MKNK2: variants seen among roughly 807,000 people sequenced by gnomAD.
MKNK2 encodes the protein MAP kinase-interacting serine/threonine-protein kinase 2.
MKNK2 carries 54 observed loss-of-function variants against 55.0 expected under a neutral mutation model. The observed-to-expected ratio is 0.98, with a 90% CI of 0.79 to 1.23. MKNK2 has a LOEUF of 1.23. Ranked by LOEUF, MKNK2 falls within the 50% of genes most tolerant of loss-of-function variation. The pLI is 0.00. For synonymous variants in MKNK2, 323 were observed against 256.0 expected, an observed-to-expected ratio of 1.26 and a Z score of -2.50; for missense variants, 685 against 632.1, an observed-to-expected ratio of 1.08 and a Z score of -0.90.
Position 2,039,462 on chromosome 19 carries a change from T to C in MKNK2, c.*151A>G. On this transcript the variant is annotated 3_prime_UTR_variant, in exon 14 of 14. Coordinates refer to ENST00000250896, the MANE Select transcript of MKNK2 (RefSeq NM_199054.3). ...AAAAAAAAACCCAAAAGCAAAAACC[T>C]TCTATAAAACACCCCCCTCAGCTGA... 1.4e-6 allele frequency: 2 copies of C among 1,396,162 alleles called. No homozygotes were observed. The highest frequency in any genetic ancestry group is 1.9e-6 in the Non-Finnish European group (2 of 1,075,748). The allele number at this position is 1,396,162 out of a possible 1,614,324, so 86.5% of individuals were successfully genotyped here.
chr19:2,042,952 T>C (rs1386189683), intron 7 of MKNK2, 82 bp from the exon 8 acceptor site: 1 of 1,443,610 alleles, frequency 6.9e-7, no homozygotes, highest in Non-Finnish European at 9.5e-7. Flanking sequence ...CCACCTCCAC[T>C]TTGGCGGGGA....
chr19:2,050,114 CTCCCCT>C (rs928096093), intron 2 of MKNK2, among the ~76,000 whole-genome samples: 1 of 152,196 alleles, frequency 6.6e-6, no homozygotes, highest in African/African-American at 2.4e-5. Flanking sequence ...AGCACCTGCC[CTCCCCT>C]TCCCCCCCAA....
intron 12 of MKNK2, chr19:2,040,669 A>C: frequency 3.2e-6 from 1 of 309,656 alleles, no homozygotes; most frequent in Non-Finnish European, 6.1e-6. Context: ...CCTCGACTGG[A>C]GGCCACACAG....
Position 2,041,866 on chromosome 19 carries a change from G to T in MKNK2, c.919C>A (p.Arg307Ser). The change falls in exon 11 of 14, where the codon CGC becomes AGC. Residue 307 changes from arginine (R) to serine (S), a missense_variant. Transcript: ENST00000250896. ...GRCGSDCGWD[R>S]GEACPACQNM... ...TGGCAGGCAGGGCAGGCCTCGCCGC[G>T]GTCCCAGCCGCAGTCGCTGCCACAG... 1 of 1,537,682 alleles carries T rather than the reference G, an allele frequency of 6.5e-7. No homozygotes were observed. The highest frequency in any genetic ancestry group is 8.8e-7 in the Non-Finnish European group (1 of 1,141,456).
Position 2,039,420 on chromosome 19 carries a change from G to A in MKNK2, c.*193C>T, listed in dbSNP as rs1240465465. 7.1e-7 allele frequency: 1 copy of A among 1,403,218 alleles called. No homozygotes were observed. Among genetic ancestry groups the A allele is most frequent in the Non-Finnish European group, 9.2e-7 (1 of 1,081,826 alleles). The allele number at this position is 1,403,218 out of a possible 1,614,324, so 86.9% of individuals were successfully genotyped here. A position where few individuals can be genotyped will look rare whatever the true frequency, so the allele number is the denominator to read the frequency against. ...ACCATCCAAAGGAAAAAATAACGGG[G>A]AGGGGTGGAAACAGGAAAAAAAAAA... On this transcript the variant is annotated 3_prime_UTR_variant, in exon 14 of 14. Transcript: ENST00000250896.
rs1179359061 is a variant in MKNK2, at chr19:2,040,177, A to G, written c.1111T>C (p.Cys371Arg). ...QVLQHPWVQG[C>R]APENTLPTPM... is the part of the protein sequence containing the mutation. The stretch of plus-strand genomic sequence containing the variant: ...GTGGGCAAGGTGTTCTCCGGGGCGC[A>G]CTGCAACGAGAGTGGGCGGGGGCAG... The change falls in exon 13 of 14, where the codon TGC (cysteine) becomes CGC (arginine). Residue 371 changes from cysteine (C) to arginine (R), a missense_variant and splice_region_variant. Physicochemically the swap from Cys to Arg is radical, Grantham distance 180. Transcript: ENST00000250896. The G allele has an allele frequency of 3.2e-6, 5 of 1,580,786 alleles. No individual in the cohort carries two copies. In the African/African-American group the frequency reaches 6.7e-5, roughly 21 times the overall value.
At position 2,039,187 on chromosome 19, in the gene MKNK2, G is replaced by T. The variant is rs1205803952; in HGVS notation, c.*426C>A. The T allele has an allele frequency of 5.9e-6, 6 of 1,019,134 alleles. No homozygotes were observed. The highest frequency in any genetic ancestry group is 4.8e-4 in the Middle Eastern group (1 of 2,078). 63.1% of individuals were successfully genotyped at this position (1,019,134 alleles called of 1,614,324 possible). On this transcript the variant is annotated 3_prime_UTR_variant, in exon 14 of 14. Coordinates refer to ENST00000250896, the MANE Select transcript of MKNK2 (RefSeq NM_199054.3). ...GGCTGGGAGGGAACACGAGGGCAGG[G>T]TCCTGTGCCCCTCCCCAGCTCTGCA... is the stretch of plus-strand genomic sequence containing the variant.
rs889342150 is a variant in MKNK2 at position 2,037,646 on chromosome 19, T to C, written c.*1967A>G. 2.1e-6 allele frequency: 2 copies of C among 936,690 alleles called. No individual in the cohort carries two copies. The highest frequency in any genetic ancestry group is 2.9e-6 in the Non-Finnish European group (2 of 689,906). The allele number at this position is 936,690 out of a possible 1,614,324, so 58.0% of individuals were successfully genotyped here. A position where few individuals can be genotyped will look rare whatever the true frequency, so the allele number is the denominator to read the frequency against. ...AACTTTTGAGGTTTTTTTTTTTTTT[T>C]TGTCTTTTAAAAACATCGTAACATT... On this transcript the variant is annotated 3_prime_UTR_variant, in exon 14 of 14. Transcript: ENST00000250896.
Position 2,043,130 on chromosome 19 carries a change from G to C in MKNK2, c.487C>G (p.Arg163Gly). 6.2e-7 allele frequency: 1 copy of C among 1,612,662 alleles called. No homozygotes were observed. The highest frequency in any genetic ancestry group is 8.5e-7 in the Non-Finnish European group (1 of 1,178,970). ...DRFYLVFEKMRGGSILSHIHK... is the reference protein window; with the variant it reads ...DRFYLVFEKMGGGSILSHIHK... ...GCCTGGAGCCCCCAGGTACCTCCCCGCATCTTCTCAAACACCAGGTAGAAG... is the reference window on the plus strand; with the variant it reads ...GCCTGGAGCCCCCAGGTACCTCCCCCCATCTTCTCAAACACCAGGTAGAAG... The change falls in exon 7 of 14, where the codon CGG (arginine) becomes GGG (glycine). Residue 163 changes from arginine to glycine, a missense_variant. Transcript: ENST00000250896.
In MKNK2 at chr19:2,040,852, G is replaced by A. The variant is rs143355743; in HGVS notation, c.1110+188C>T. The A allele has an allele frequency of 4.0e-3, 2,523 of 625,628 alleles. 5 individuals are homozygous for A. Among genetic ancestry groups the A allele is most frequent in the Non-Finnish European group, 5.7e-3 (2,065 of 363,792 alleles). The allele number at this position is 625,628 out of a possible 1,614,324, so 38.8% of individuals were successfully genotyped here. ...CCTGGGAGCCGCCTGGCTGGCCAGC[G>A]GGCACCGTGCACAGGCGGGCGGTGG... On this transcript the variant is annotated intron_variant, in intron 12 of 13. Transcript: ENST00000250896.
At chr19:2,043,074 G>A (rs771462594) in intron 7 of MKNK2, 50 bp downstream of exon 7, 22 of 1,523,704 alleles carry the variant, frequency 1.4e-5, no homozygotes, top group South Asian at 2.3e-5. Flanking sequence ...CCCCCATCCC[G>A]TAATACCTCC....
chr19:2,043,458 GA>G (rs1568237508), intron 6 of MKNK2, 44 bp downstream of exon 6: 7 of 1,569,728 alleles, frequency 4.5e-6, no homozygotes, highest in Non-Finnish European at 5.3e-6. Context: ...TTCATCCACT[GA>G]AAGACAGCTC....
Position 2,046,598 on chromosome 19 carries a change from C to T in MKNK2, c.139+6G>A, listed in dbSNP as rs1025032653. The T allele has an allele frequency of 3.2e-5, 50 of 1,564,012 alleles. No individual in the cohort carries two copies. The highest frequency in any genetic ancestry group is 4.2e-5 in the Non-Finnish European group (49 of 1,155,152). On this transcript the variant is annotated splice_donor_region_variant and intron_variant, in intron 3 of 13. Transcript: ENST00000250896. ...CCTGTGCCCTCCTCCCCCTCGGGCC[C>T]CTCACCAGGGCGGGCTGAGCACTGC...
In MKNK2 at chr19:2,038,735, G is replaced by A; in HGVS notation, c.*878C>T. On this transcript the variant is annotated 3_prime_UTR_variant, in exon 14 of 14. Coordinates refer to ENST00000250896, the MANE Select transcript of MKNK2 (RefSeq NM_199054.3). ...GAAGGGGCACTCGGGTGCCCCAAGG[G>A]GGTGTCTTCAGGACCCCCCACATTG... 1 of 985,626 alleles carries A rather than the reference G, an allele frequency of 1.0e-6. No individual in the cohort carries two copies. The highest frequency in any genetic ancestry group is 1.2e-6 in the Non-Finnish European group (1 of 829,968). The allele number at this position is 985,626 out of a possible 1,614,324, so 61.1% of individuals were successfully genotyped here. A position where few individuals can be genotyped will look rare whatever the true frequency, so the allele number is the denominator to read the frequency against.
At chr19:2,041,515 T>C (rs2016881601) in intron 11 of MKNK2, among the ~76,000 whole-genome samples, 1 of 152,130 alleles carries the variant, frequency 6.6e-6, no homozygotes, top group Admixed American at 6.5e-5. Context: ...CTCTCAGCTC[T>C]CTGAACCCTG....
In MKNK2 at chr19:2,039,701, G is replaced by A. The variant is rs982867431; in HGVS notation, c.1310C>T (p.Ser437Phe). 6.2e-7 allele frequency: 1 copy of A among 1,612,792 alleles called. No individual in the cohort carries two copies. The highest frequency in any genetic ancestry group is 1.3e-5 in the African/African-American group (1 of 74,954). The part of the protein sequence containing the change: ...VRATSRCLQL[S>F]PPSQSKLAQR... The stretch of plus-strand genomic sequence containing the variant: ...CGCCAGCTTGGACTGGGAGGGTGGA[G>A]ACAGCTGCAGGCAGCGTGAGGTAGC... Residue 437 changes from serine (S) to phenylalanine (F), a missense_variant, in exon 14 of 14, where the codon TCT (serine) becomes TTT (phenylalanine). By Grantham distance (155) the Ser-to-Phe change is radical (BLOSUM62 -2). Transcript: ENST00000250896.
chr19:2,048,798 G>A (rs577532362), intron 2 of MKNK2, among the ~76,000 whole-genome samples: 12 of 151,798 alleles, frequency 7.9e-5, no homozygotes, highest in Admixed American at 6.6e-5. Context: ...GGGAAGGAAG[G>A]GGGGGGCTCC....
chr19:2,041,407 G>A (rs1325491774), intron 11 of MKNK2, among the ~76,000 whole-genome samples: 4 of 152,056 alleles, frequency 2.6e-5, no homozygotes, highest in Non-Finnish European at 5.9e-5. Flanking sequence ...CAGCTCTGAG[G>A]GACCTGGTTC....
chr19:2,038,954 C>T lies in MKNK2; in HGVS notation c.*659G>A, dbSNP rs1465392515. On this transcript the variant is annotated 3_prime_UTR_variant, in exon 14 of 14. Coordinates refer to ENST00000250896, the MANE Select transcript of MKNK2 (RefSeq NM_199054.3). ...GTCCTGGACAGACAGACGGGCCTTG[C>T]AGGAAGCCCCGATTGTCAACTATCA... 5.1e-6 allele frequency: 5 copies of T among 985,664 alleles called. No individual in the cohort carries two copies. Among genetic ancestry groups the T allele is most frequent in the Non-Finnish European group, 6.0e-6 (5 of 829,984 alleles). 61.1% of individuals were successfully genotyped at this position (985,664 alleles called of 1,614,324 possible).
Sources: allele counts gnomAD v4.1 joint callset (sites outside exome capture counted in the v4.1 genomes callset), GRCh38; gene constraint gnomAD v4.1.1; transcripts MANE v1.5; gene names NCBI Gene and HGNC (gene_info 2026-07-23, HGNC 2026-07-21).